KMT5B: variants seen among roughly 807,000 people sequenced by gnomAD.
The protein encoded by KMT5B is lysine methyltransferase 5B.
KMT5B carries 10 observed loss-of-function variants against 83.2 expected under a neutral mutation model. That is an observed-to-expected ratio of 0.12 (90% confidence interval 0.07 to 0.20). The LOEUF (loss-of-function observed/expected upper bound fraction) is 0.20. Ranked by LOEUF, KMT5B falls within the 10% of genes least tolerant of loss-of-function variation. The probability of loss-of-function intolerance (pLI) is 1.00; values close to 1 mark genes in which losing one functional copy is unlikely to be tolerated. For missense variants in KMT5B, 753 were observed against 1,067.2 expected (o/e 0.71, Z 4.10); for synonymous variants, 349 against 388.8 (o/e 0.90, Z 1.20).
At chr11:68,172,229 T>C (rs979190071) in intron 6 of KMT5B, among the ~76,000 whole-genome samples, 1 of 151,966 alleles carries the variant, frequency 6.6e-6, no homozygotes, top group African/African-American at 2.4e-5. Context: ...ACTTTAACAA[T>C]TTATTTTATT....
chr11:68,179,723 G>T, intron 4 of KMT5B: 2 of 915,328 alleles, frequency 2.2e-6, no homozygotes, highest in Non-Finnish European at 2.8e-6. Flanking sequence ...AAAACCATGA[G>T]GCAACATAGT....
chr11:68,187,737 A>G (rs866929379), intron 2 of KMT5B, among the ~76,000 whole-genome samples: 1 of 152,214 alleles, frequency 6.6e-6, no homozygotes, highest in Non-Finnish European at 1.5e-5. Context: ...GGCGTATCAA[A>G]GTCTCCAAAT....
At chr11:68,166,861 A>G in intron 10 of KMT5B, 121 bp downstream of exon 10, 1 of 1,479,670 alleles carries the variant, frequency 6.8e-7, no homozygotes, top group Non-Finnish European at 9.0e-7. Flanking sequence ...GTGCAGCCAA[A>G]GCTCACAAGT....
chr11:68,168,985 T>G (rs1263003695), intron 9 of KMT5B, among the ~76,000 whole-genome samples: 1 of 152,214 alleles, frequency 6.6e-6, no homozygotes, highest in African/African-American at 2.4e-5. Flanking sequence ...TCTTCCCAGC[T>G]AATTTCTGTA....
In KMT5B at chr11:68,190,120, A is replaced by G; in HGVS notation, c.-44T>C. 6.3e-7 allele frequency: 1 copy of G among 1,581,718 alleles called. No individual in the cohort carries two copies. Among genetic ancestry groups the G allele is most frequent in the East Asian group, 2.2e-5 (1 of 44,558 alleles). The stretch of plus-strand genomic sequence containing the variant: ...CCAGGTGCATTTAGTCACTCTCTTC[A>G]AATAGCTTAGAGAATACTTTCAATG... On this transcript the variant is annotated 5_prime_UTR_variant, in exon 2 of 11. Coordinates refer to ENST00000304363, the MANE Select transcript of KMT5B (RefSeq NM_017635.5).
At chr11:68,183,584 C>G (rs1428084957) in intron 3 of KMT5B, among the ~76,000 whole-genome samples, 2 of 151,468 alleles carry the variant, frequency 1.3e-5, no homozygotes, top group Non-Finnish European at 2.9e-5. Flanking sequence ...GTCTCGAACT[C>G]CTGAGCTCAG....
At chr11:68,194,757 G>C (rs1040422059) in intron 1 of KMT5B, among the ~76,000 whole-genome samples, 1 of 152,194 alleles carries the variant, frequency 6.6e-6, no homozygotes, top group African/African-American at 2.4e-5. Flanking sequence ...AAGAGCCAAA[G>C]AAACAGCACT....
chr11:68,159,192 A>G, intron 10 of KMT5B, 21 bp from the exon 11 acceptor site: 1 of 1,534,332 alleles, frequency 6.5e-7, no homozygotes, highest in Non-Finnish European at 8.7e-7. Flanking sequence ...AAAGAGAAAA[A>G]GGTGAAAAGC....
chr11:68,179,917 TGAA>T (rs1343543015), intron 4 of KMT5B: 1 of 544,824 alleles, frequency 1.8e-6, no homozygotes, highest in Non-Finnish European at 3.1e-6. Flanking sequence ...CCTGATCTTT[TGAA>T]GAATGATTTG....
intron 3 of KMT5B, among the ~76,000 whole-genome samples, chr11:68,185,200 A>G (rs559448789): frequency 6.6e-6 from 1 of 152,180 alleles, no homozygotes; most frequent in Admixed American, 6.5e-5. Context: ...CGCTAAGATA[A>G]TTGTCATCAC....
At chr11:68,170,975 CA>C in intron 9 of KMT5B, 39 bp downstream of exon 9, 2 of 1,552,510 alleles carry the variant, frequency 1.3e-6, no homozygotes, top group Non-Finnish European at 1.7e-6. Context: ...AGGTTGTTAA[CA>C]AAAAATGTTT....
rs1859260067 is a variant in KMT5B at position 68,155,899 on chromosome 11, A to T, written c.*1789T>A. Reference sequence around the variant, plus strand: ...CTGCACCACAACAAACAAGGATGAGACTATGTAAGACTGCAGAAGTAGTTC... The same window carrying T: ...CTGCACCACAACAAACAAGGATGAGTCTATGTAAGACTGCAGAAGTAGTTC... On this transcript the variant is annotated 3_prime_UTR_variant, in exon 11 of 11. Transcript: ENST00000304363. The T allele has an allele frequency of 6.6e-6, 1 of 152,230 alleles. No individual in the cohort carries two copies. The highest frequency in any genetic ancestry group is 2.4e-5 in the African/African-American group (1 of 41,456). The allele number at this position is 152,230 out of a possible 1,614,324, so 9.4% of individuals were successfully genotyped here.
intron 1 of KMT5B, among the ~76,000 whole-genome samples, chr11:68,208,782 C>A (rs1860501829): frequency 6.6e-6 from 1 of 152,014 alleles, no homozygotes; most frequent in African/African-American, 2.4e-5. Context: ...GCCCAGGAGA[C>A]TAAGGCTGCA....
At chr11:68,164,514 A>G (rs1296322363) in intron 10 of KMT5B, among the ~76,000 whole-genome samples, 1 of 152,216 alleles carries the variant, frequency 6.6e-6, no homozygotes, top group African/African-American at 2.4e-5. Flanking sequence ...AAGAGAACGC[A>G]TGTAAGAACT....
rs757362302 is a variant in KMT5B at position 68,158,687 on chromosome 11, G to A, written c.1659C>T (p.Asp553=). Reference sequence around the variant, plus strand: ...TCAACGTATTTGGTTCAAGCTTGATGTCAGAGGCCTCCTTCAGATTTGTTC... The same window carrying A: ...TCAACGTATTTGGTTCAAGCTTGATATCAGAGGCCTCCTTCAGATTTGTTC... ...RTRTNLKEAS[D]IKLEPNTLNG... The change falls in exon 11 of 11, where the codon GAC becomes GAT. Residue 553 remains aspartate, a synonymous_variant. Transcript: ENST00000304363. 2 of 1,613,984 alleles carry A rather than the reference G, an allele frequency of 1.2e-6. No homozygotes were observed. Among genetic ancestry groups the A allele is most frequent in the South Asian group, 2.2e-5 (2 of 91,080 alleles).
intron 1 of KMT5B, among the ~76,000 whole-genome samples, chr11:68,196,788 T>C (rs1858769639): frequency 6.6e-6 from 1 of 152,086 alleles, no homozygotes; most frequent in East Asian, 1.9e-4. Context: ...AAAAGTGCTT[T>C]TGGTCCTTTA....
intron 10 of KMT5B, among the ~76,000 whole-genome samples, chr11:68,161,101 T>C (rs1462138149): frequency 6.6e-6 from 1 of 152,166 alleles, no homozygotes; most frequent in Non-Finnish European, 1.5e-5. Context: ...GGCGCCTCTT[T>C]TTAGAATAGT....
intron 1 of KMT5B, among the ~76,000 whole-genome samples, chr11:68,194,351 C>T (rs1282626463): frequency 1.3e-5 from 2 of 151,950 alleles, no homozygotes; most frequent in Non-Finnish European, 2.9e-5. Flanking sequence ...ACCACCATGC[C>T]CGCCTAATTT....
chr11:68,198,479 AGACAAGACAAGACAAGACAG>A (rs1859007953), intron 1 of KMT5B, among the ~76,000 whole-genome samples: 1 of 116,186 alleles, frequency 8.6e-6, no homozygotes, highest in Admixed American at 7.7e-5. Flanking sequence ...AGACAAGACA[AGACAAGACAAGACAAGACAG>A]GGCGGCTAGC....
Sources: gnomAD v4.1 joint callset for allele counts (sites outside exome capture counted in the v4.1 genomes callset) on GRCh38, gnomAD v4.1.1 for gene constraint, MANE v1.5 for transcripts, NCBI Gene and HGNC (gene_info 2026-07-23, HGNC 2026-07-21) for gene names.